The following TAB3 variants were observed in gnomAD, a reference collection of about 807,000 sequenced individuals.
The protein encoded by TAB3 is TGF-beta-activated kinase 1 and MAP3K7-binding protein 3.
In TAB3, 18 loss-of-function variants were observed where a neutral mutation model predicts 48.1. The observed-to-expected ratio is 0.37, with a 90% CI of 0.26 to 0.55. TAB3 has a LOEUF of 0.55. Ranked by LOEUF, TAB3 falls within the 20% of genes least tolerant of loss-of-function variation. The pLI is 0.78. For synonymous variants in TAB3, 185 were observed against 190.2 expected (o/e 0.97, Z 0.22); for missense variants, 414 against 549.8 (o/e 0.75, Z 2.47).
intron 1 of TAB3, among the ~76,000 whole-genome samples, chrX:30,874,478 T>C (rs908579614): frequency 1.8e-5 from 2 of 112,213 alleles, no homozygotes; most frequent in African/African-American, 3.2e-5. Context: ...CAGAGGTTCA[T>C]TGGACCTTTC....
chrX:30,839,548 G>A (rs958676008), intron 9 of TAB3, among the ~76,000 whole-genome samples: 1 of 110,559 alleles, frequency 9.0e-6, no homozygotes, highest in African/African-American at 3.3e-5. Context: ...AAAAAGATGG[G>A]GTACAACACC....
At chrX:30,876,027 A>G (rs1783481527) in intron 1 of TAB3, among the ~76,000 whole-genome samples, 1 of 112,262 alleles carries the variant, frequency 8.9e-6, no homozygotes, top group Non-Finnish European at 1.9e-5. Context: ...GAGCCAAAAC[A>G]GAAGGACAAA....
intron 2 of TAB3, among the ~76,000 whole-genome samples, chrX:30,868,582 T>TAG (rs1463299566): frequency 7.7e-5 from 1 of 13,057 alleles, no homozygotes; most frequent in Non-Finnish European, 1.1e-4. Flanking sequence ...TATATATATA[T>TAG]ATATAGAGAG....
chrX:30,848,954 G>T (rs1438231312), intron 7 of TAB3, among the ~76,000 whole-genome samples: 1 of 108,935 alleles, frequency 9.2e-6, no homozygotes, highest in Non-Finnish European at 1.9e-5. Context: ...GAGGGAGGGG[G>T]TAATTGGCAG....
chrX:30,854,545 G>C lies in TAB3; in HGVS notation c.1120C>G (p.Gln374Glu). Residue 374 changes from glutamine (Q) to glutamate (E), a missense_variant, in exon 6 of 11, where the codon CAA becomes GAA. By Grantham distance (29) the Gln-to-Glu change is conservative (BLOSUM62 2). Transcript: ENST00000288422. ...CTATTAATTGCTGTCCCAGGTCTTTGAGAAGGTTCAACTGTAATTTCTATC... is the reference window on the plus strand; with the variant it reads ...CTATTAATTGCTGTCCCAGGTCTTTCAGAAGGTTCAACTGTAATTTCTATC... ...KKIEITVEPS[Q>E]RPGTAINRSP... 1 of 1,210,720 alleles carries C rather than the reference G, an allele frequency of 8.3e-7. No homozygotes were observed. The highest frequency in any genetic ancestry group is 1.1e-6 in the Non-Finnish European group (1 of 894,537).
intron 1 of TAB3, among the ~76,000 whole-genome samples, chrX:30,878,371 G>A (rs746233414): frequency 4.6e-5 from 5 of 109,567 alleles, no homozygotes; most frequent in South Asian, 3.9e-4. Flanking sequence ...GTGGTGGCAC[G>A]TGCCTGTAGC....
chrX:30,858,257 A>G, intron 5 of TAB3, among the ~76,000 whole-genome samples: 1 of 112,030 alleles, frequency 8.9e-6, no homozygotes, highest in Middle Eastern at 4.6e-3. Context: ...TTGGGCCCTA[A>G]GATAGGTGAG....
rs1055652569 is a variant in TAB3 at position 30,830,819 on chromosome X, A to G, written c.*608T>C. On this transcript the variant is annotated 3_prime_UTR_variant, in exon 11 of 11. Transcript: ENST00000288422. ...TATGCCTAGTTCCTGACTGCTACAAATCACATTTTAAAACATTTTGTTTGT... is the reference window on the plus strand; with the variant it reads ...TATGCCTAGTTCCTGACTGCTACAAGTCACATTTTAAAACATTTTGTTTGT... 1 of 110,438 alleles carries G rather than the reference A, an allele frequency of 9.1e-6. No homozygotes were observed. The highest frequency in any genetic ancestry group is 1.9e-5 in the Non-Finnish European group (1 of 52,884). The allele number at this position is 110,438 out of a possible 1,213,427, so 9.1% of individuals were successfully genotyped here.
intron 1 of TAB3, among the ~76,000 whole-genome samples, chrX:30,873,220 T>C (rs1004473205): frequency 2.7e-5 from 3 of 112,091 alleles, no homozygotes; most frequent in African/African-American, 9.7e-5. Context: ...TGGGTCTACT[T>C]ATATGTGGAT....
At chrX:30,833,126 G>A (rs997806946) in intron 10 of TAB3, among the ~76,000 whole-genome samples, 43 of 108,217 alleles carry the variant, frequency 4.0e-4, no homozygotes, top group African/African-American at 9.1e-4. Context: ...GCCTGCCACC[G>A]CACCCGGCTA....
intron 4 of TAB3, among the ~76,000 whole-genome samples, chrX:30,859,904 A>C (rs1286062700): frequency 9.3e-6 from 1 of 107,640 alleles, no homozygotes; most frequent in Non-Finnish European, 1.9e-5. Flanking sequence ...CCATCTATGC[A>C]CCTAAAGGTC....
chrX:30,873,524 C>CAA (rs61644834), intron 1 of TAB3, among the ~76,000 whole-genome samples: 16 of 50,609 alleles, frequency 3.2e-4, no homozygotes, highest in East Asian at 7.0e-4. Context: ...GACTCCGTCT[C>CAA]AAAAAAAAAA....
At chrX:30,842,842 TA>T in intron 9 of TAB3, 123 bp downstream of exon 9, 1 of 432,512 alleles carries the variant, frequency 2.3e-6, no homozygotes, top group Non-Finnish European at 3.8e-6. Flanking sequence ...ATAAAAATAA[TA>T]AAAATATGGT....
At position 30,855,102 on chromosome X, in the gene TAB3, G is replaced by C; in HGVS notation, c.563C>G (p.Pro188Arg). 8.3e-7 allele frequency: 1 copy of C among 1,211,728 alleles called. No homozygotes were observed. The highest frequency in any genetic ancestry group is 3.0e-5 in the East Asian group (1 of 33,854). Residue 188 changes from proline (P) to arginine (R), a missense_variant, in exon 6 of 11, where the codon CCT becomes CGT. Transcript: ENST00000288422. ...AGTAATTGGATTTGTACTATACCGAGGTATGTGCATGTATGAAGGAGGTGG... is the reference window on the plus strand; with the variant it reads ...AGTAATTGGATTTGTACTATACCGACGTATGTGCATGTATGAAGGAGGTGG... ...PPPPPSYMHI[P>R]RYSTNPITVT... is the part of the protein sequence containing the mutation.
intron 1 of TAB3, among the ~76,000 whole-genome samples, chrX:30,887,007 T>A (rs1184440150): frequency 8.9e-6 from 1 of 112,010 alleles, no homozygotes; most frequent in Non-Finnish European, 1.9e-5. Context: ...CTGCAAATCA[T>A]GAATAGGGTC....
intron 1 of TAB3, among the ~76,000 whole-genome samples, chrX:30,884,808 TAAAAC>T (rs1194269546): frequency 8.9e-6 from 1 of 112,121 alleles, no homozygotes; most frequent in African/African-American, 3.2e-5. Context: ...AATCTTGAAG[TAAAAC>T]AAACACACTG....
Position 30,879,221 on chromosome X carries a change from A to G in TAB3, c.-382-7420T>C, listed in dbSNP as rs749826158. On this transcript the variant is annotated intron_variant, in intron 1 of 10. Coordinates refer to ENST00000288422, the MANE Select transcript of TAB3 (RefSeq NM_152787.5). ...CTAAATGGCTTCACTGCTAAAATCT[A>G]TCATGCATTTAAAGAAAAAATAAAA... 4.7e-4 allele frequency among the ~76,000 whole-genome samples: 53 copies of G among 112,175 alleles called. No individual in the cohort carries two copies. In the South Asian group the frequency reaches 5.1e-3, roughly 11 times the overall value.
chrX:30,855,254 G>A lies in TAB3; in HGVS notation c.411C>T (p.Tyr137=), dbSNP rs1939023337. ...TCTGTTCGTTCATAAAAAATGGATT[G>A]TAGTTGGGAGTAGCAGCAACAACAG... ...APAVVAATPN[Y]NPFFMNEQNR... is the part of the protein sequence containing the mutation. Residue 137 remains tyrosine, a synonymous_variant, in exon 6 of 11, where the codon TAC becomes TAT. Coordinates refer to ENST00000288422, the MANE Select transcript of TAB3 (RefSeq NM_152787.5). 1.7e-6 allele frequency: 2 copies of A among 1,211,511 alleles called. No individual in the cohort carries two copies. Among genetic ancestry groups the A allele is most frequent in the Non-Finnish European group, 2.2e-6 (2 of 895,479 alleles).
At chrX:30,834,009 C>T in intron 10 of TAB3, 42 bp downstream of exon 10, 1 of 1,117,479 alleles carries the variant, frequency 8.9e-7, no homozygotes, top group Non-Finnish European at 1.2e-6. Context: ...TAACATGTGT[C>T]TTTGGACATT....
Sources: allele counts gnomAD v4.1 joint callset (sites outside exome capture counted in the v4.1 genomes callset), GRCh38; gene constraint gnomAD v4.1.1; transcripts MANE v1.5; gene names NCBI Gene and HGNC (gene_info 2026-07-23, HGNC 2026-07-21).